Variants in FLNB observed in about 807,000 individuals in gnomAD.
FLNB encodes the protein filamin B.
In FLNB, 111 loss-of-function variants were observed where a neutral mutation model predicts 250.6. That is an observed-to-expected ratio of 0.44 (90% CI 0.38 to 0.52). The LOEUF (loss-of-function observed/expected upper bound fraction) is 0.52. Among genes scored for constraint, FLNB ranks in the 20% least tolerant of loss-of-function variants. The pLI, the probability that FLNB is intolerant of heterozygous loss-of-function variation, is 0.00. For missense variants in FLNB, 2,869 were observed against 3,447.8 expected, an observed-to-expected ratio of 0.83 and a Z score of 4.20; for synonymous variants, 1,302 against 1,372.1, an observed-to-expected ratio of 0.95 and a Z score of 1.13.
intron 4 of FLNB, among the ~76,000 whole-genome samples, chr3:58,089,768 A>G (rs975885984): frequency 3.9e-5 from 6 of 152,140 alleles, no homozygotes; most frequent in Admixed American, 2.6e-4. Flanking sequence ...AGAGAAAAGA[A>G]TCCTTCAACT....
At chr3:58,026,604 T>C (rs2097123965) in intron 1 of FLNB, among the ~76,000 whole-genome samples, 1 of 152,136 alleles carries the variant, frequency 6.6e-6, no homozygotes, top group Admixed American at 6.6e-5. Context: ...GGAATGGATA[T>C]GGGAGGTTGG....
intron 1 of FLNB, among the ~76,000 whole-genome samples, chr3:58,015,383 T>C (rs998397714): frequency 1.3e-5 from 2 of 152,254 alleles, no homozygotes; most frequent in Non-Finnish European, 2.9e-5. Flanking sequence ...TTTGGAATCC[T>C]ATTGCTGTCA....
chr3:58,146,200 G>T, intron 33 of FLNB, 151 bp downstream of exon 33: 1 of 910,782 alleles, frequency 1.1e-6, no homozygotes, highest in Non-Finnish European at 1.7e-6. Context: ...CTTCTTTAGA[G>T]CCGCTTCGTC....
Position 58,121,517 on chromosome 3 carries a change from T to C in FLNB, c.3126+14T>C, listed in dbSNP as rs1186261261. 1 of 1,613,512 alleles carries C rather than the reference T, an allele frequency of 6.2e-7. No homozygotes were observed. Among genetic ancestry groups the C allele is most frequent in the South Asian group, 1.1e-5 (1 of 91,070 alleles). On this transcript the variant is annotated intron_variant, in intron 20 of 45. Transcript: ENST00000295956. The stretch of plus-strand genomic sequence containing the variant: ...GATCCCAGCAAGGTCAGCCTTTGCT[T>C]TTGTCCCAGAACTTGTCTCATTGCT...
At chr3:58,120,784 T>TTTC (rs1233351038) in intron 19 of FLNB, among the ~76,000 whole-genome samples, 1 of 152,222 alleles carries the variant, frequency 6.6e-6, no homozygotes, top group African/African-American at 2.4e-5. Flanking sequence ...AGATTACAAC[T>TTTC]TTCTGGTCAG....
intron 18 of FLNB, among the ~76,000 whole-genome samples, chr3:58,117,546 C>T (rs959209457): frequency 7.2e-5 from 11 of 152,110 alleles, no homozygotes; most frequent in Admixed American, 2.6e-4. Flanking sequence ...TGTGGGGAAA[C>T]GGAAGCTCGG....
At chr3:58,134,085 C>T (rs1253175273) in intron 26 of FLNB, among the ~76,000 whole-genome samples, 1 of 152,184 alleles carries the variant, frequency 6.6e-6, no homozygotes, top group Non-Finnish European at 1.5e-5. Context: ...ACAGAGGTCC[C>T]CAACCCTTGG....
chr3:58,060,216 G>T (rs762263347), intron 1 of FLNB, among the ~76,000 whole-genome samples: 2 of 152,108 alleles, frequency 1.3e-5, no homozygotes, highest in African/African-American at 2.4e-5. Context: ...TTTTTTGGTG[G>T]CTTGAAAAAC....
intron 4 of FLNB, among the ~76,000 whole-genome samples, chr3:58,094,453 AT>A (rs2097234264): frequency 6.6e-6 from 1 of 152,264 alleles, no homozygotes; most frequent in African/African-American, 2.4e-5. Context: ...AATTAAAAAA[AT>A]GATTGAATAT....
At chr3:58,105,766 G>A (rs945502629) in intron 11 of FLNB, among the ~76,000 whole-genome samples, 1 of 152,208 alleles carries the variant, frequency 6.6e-6, no homozygotes, top group African/African-American at 2.4e-5. Context: ...AAACAAACGT[G>A]TGTGGCCATG....
At chr3:58,132,754 G>A in intron 25 of FLNB, 54 bp from the exon 26 acceptor site, 1 of 1,613,144 alleles carries the variant, frequency 6.2e-7, no homozygotes, top group Non-Finnish European at 8.5e-7. Context: ...TCAGCCAAGG[G>A]TGGAGTAAAG....
chr3:58,102,277 G>A lies in FLNB; in HGVS notation c.1420G>A (p.Asp474Asn), dbSNP rs778990606. Reference sequence around the variant, plus strand: ...AGGCGTCCGTATCCGGGAGACCACAGATTTCAAGGTTGACACCAAAGCTGC... The same window carrying A: ...AGGCGTCCGTATCCGGGAGACCACAAATTTCAAGGTTGACACCAAAGCTGC... ...PKGVRIRETT[D>N]FKVDTKAAGS... The change falls in exon 9 of 46, where the codon GAT becomes AAT. Residue 474 changes from aspartate to asparagine, a missense_variant. By Grantham distance (23) the Asp-to-Asn change is conservative. Transcript: ENST00000295956. 1 of 1,614,140 alleles carries A rather than the reference G, an allele frequency of 6.2e-7. No individual in the cohort carries two copies. The highest frequency in any genetic ancestry group is 1.3e-5 in the African/African-American group (1 of 74,944).
In FLNB at chr3:58,108,676, A is replaced by C. The variant is rs2097263586; in HGVS notation, c.2055+105A>C. On this transcript the variant is annotated intron_variant, in intron 13 of 45. Transcript: ENST00000295956. The stretch of plus-strand genomic sequence containing the variant: ...TCTGATCTTCAGTTTCCTCATCTGC[A>C]CCGTGGAAATGATAAGAAGATTATC... 19 of 741,050 alleles carry C rather than the reference A, an allele frequency of 2.6e-5. No individual in the cohort carries two copies. The South Asian group carries it at 2.8e-4, about 11-fold the overall frequency. The allele number at this position is 741,050 out of a possible 1,614,324, so 45.9% of individuals were successfully genotyped here.
rs991076913 is a variant in FLNB, at chr3:58,164,985, C to A, written c.7198+1655C>A. On this transcript the variant is annotated intron_variant, in intron 43 of 45. Coordinates refer to ENST00000295956, the MANE Select transcript of FLNB (RefSeq NM_001457.4). The surrounding 1 kb of genome is among the most constrained non-coding windows in gnomAD (Gnocchi z 4.0). ...AGGCAGTGACTGCATCCCCAGCCCA[C>A]TTTGGGGATGTCCTAAACCAGGACC... 1 of 152,366 alleles carries A rather than the reference C, an allele frequency of 6.6e-6. No individual in the cohort carries two copies. Among genetic ancestry groups the A allele is most frequent in the African/African-American group, 2.4e-5 (1 of 41,464 alleles). 9.4% of individuals were successfully genotyped at this position (152,366 alleles called of 1,614,324 possible).
chr3:58,077,233 C>T lies in FLNB; in HGVS notation c.480C>T (p.Asn160=), dbSNP rs2097202918. Residue 160 remains asparagine, a synonymous_variant, in exon 2 of 46, where the codon AAC becomes AAT. Coordinates refer to ENST00000295956, the MANE Select transcript of FLNB (RefSeq NM_001457.4). Reference sequence around the variant, plus strand: ...AGATCCCCTACTTGCCCATCACCAACTTTAACCAGAACTGGCAAGACGGCA... The same window carrying T: ...AGATCCCCTACTTGCCCATCACCAATTTTAACCAGAACTGGCAAGACGGCA... ...QNKIPYLPIT[N]FNQNWQDGKA... is the part of the protein sequence containing the mutation. 1.2e-6 allele frequency: 2 copies of T among 1,614,190 alleles called. No individual in the cohort carries two copies. Among genetic ancestry groups the T allele is most frequent in the Non-Finnish European group, 1.7e-6 (2 of 1,180,018 alleles).
At chr3:58,052,789 A>G (rs934877890) in intron 1 of FLNB, among the ~76,000 whole-genome samples, 1 of 152,124 alleles carries the variant, frequency 6.6e-6, no homozygotes, top group African/African-American at 2.4e-5. Flanking sequence ...TGCTCAGAGG[A>G]CGTTAGGGAG....
chr3:58,110,039 G>A lies in FLNB; in HGVS notation c.2353G>A (p.Ala785Thr). 2 of 1,614,172 alleles carry A rather than the reference G, an allele frequency of 1.2e-6. No individual in the cohort carries two copies. Among genetic ancestry groups the A allele is most frequent in the Non-Finnish European group, 1.7e-6 (2 of 1,180,030 alleles). ...TGTCAGTGTTGGCATTAAGTGTGATGCCCGGGTGTTAAGTGAAGATGAGGA... is the reference window on the plus strand; with the variant it reads ...TGTCAGTGTTGGCATTAAGTGTGATACCCGGGTGTTAAGTGAAGATGAGGA... ...GDVSVGIKCDARVLSEDEEDV... is the reference protein window; with the variant it reads ...GDVSVGIKCDTRVLSEDEEDV... The change falls in exon 16 of 46, where the codon GCC (alanine) becomes ACC (threonine). Residue 785 changes from alanine (A) to threonine (T), a missense_variant. Transcript: ENST00000295956.
chr3:58,133,592 G>A (rs2090448097), intron 26 of FLNB, among the ~76,000 whole-genome samples: 1 of 151,656 alleles, frequency 6.6e-6, no homozygotes, highest in South Asian at 2.1e-4. Context: ...TTTACTTCAG[G>A]GTTTGCTTGA....
intron 4 of FLNB, among the ~76,000 whole-genome samples, chr3:58,090,847 G>A (rs564167741): frequency 4.0e-4 from 61 of 152,178 alleles, no homozygotes; most frequent in African/African-American, 1.4e-3. Context: ...CGAGGTGGGC[G>A]ATGGGCGGAT....
Sources: allele counts gnomAD v4.1 joint callset (sites outside exome capture counted in the v4.1 genomes callset), GRCh38; gene constraint gnomAD v4.1.1; non-coding constraint Gnocchi (gnomAD v3.1); transcripts MANE v1.5; gene names NCBI Gene and HGNC (gene_info 2026-07-23, HGNC 2026-07-21).